ADGRL2: variants seen among roughly 807,000 people sequenced by gnomAD.
ADGRL2 encodes calcium-independent alpha-latrotoxin receptor 2.
ADGRL2 carries 44 observed loss-of-function variants against 157.4 expected under a neutral mutation model. The observed-to-expected ratio is 0.28, with a 90% confidence interval of 0.22 to 0.36. ADGRL2 has a LOEUF of 0.36. Ranked by LOEUF, ADGRL2 falls within the 10% of genes least tolerant of loss-of-function variation. ADGRL2 has a pLI of 1.00. For synonymous variants in ADGRL2, 585 were observed against 624.7 expected (o/e 0.94, Z 0.95); for missense variants, 1,510 against 1,768.9 (o/e 0.85, Z 2.63).
At chr1:81,372,351 T>G (rs2100993764) in intron 1 of ADGRL2, among the ~76,000 whole-genome samples, 1 of 152,314 alleles carries the variant, frequency 6.6e-6, no homozygotes. Flanking sequence ...TATAAAAATG[T>G]TAAGCAATGC....
chr1:81,472,153 C>G (rs1047702714), intron 2 of ADGRL2, among the ~76,000 whole-genome samples: 1 of 152,148 alleles, frequency 6.6e-6, no homozygotes, highest in Non-Finnish European at 1.5e-5. Context: ...CAAAAACAAA[C>G]AAATAAAAAT....
intron 1 of ADGRL2, chr1:81,414,144 A>G (rs1461887130): frequency 1.3e-5 from 2 of 150,528 alleles, no homozygotes; most frequent in African/African-American, 4.9e-5. Context: ...GATGCTTGGT[A>G]AACACACTTC....
In ADGRL2 at chr1:81,597,689, G is replaced by A. The variant is rs150245518; in HGVS notation, c.-143+16709G>A. Among the ~76,000 whole-genome samples, 599 of 152,148 alleles carry A rather than the reference G, an allele frequency of 3.9e-3. 5 individuals carry two copies. The highest frequency in any genetic ancestry group is 0.012 in the African/African-American group (507 of 41,512). On this transcript the variant is annotated intron_variant, in intron 3 of 24. Coordinates refer to the ADGRL2 transcript ENST00000370721. The stretch of plus-strand genomic sequence containing the variant: ...CTCAACTTACAATGGGGTTACATCC[G>A]GATAAACCCATCTTAAGCTGAAAAT...
intron 10 of ADGRL2, among the ~76,000 whole-genome samples, chr1:81,954,140 G>A (rs1005402490): frequency 3.9e-5 from 6 of 152,062 alleles, no homozygotes; most frequent in Admixed American, 1.3e-4. Context: ...TCACCTTTAA[G>A]GTATTAGTTA....
intron 2 of ADGRL2, among the ~76,000 whole-genome samples, chr1:81,899,249 G>A (rs2094446737): frequency 6.6e-6 from 1 of 152,152 alleles, no homozygotes; most frequent in African/African-American, 2.4e-5. Flanking sequence ...ACAACAAAAT[G>A]TACTGTTTGT....
chr1:81,529,104 T>G (rs2079541294), intron 2 of ADGRL2, among the ~76,000 whole-genome samples: 1 of 152,178 alleles, frequency 6.6e-6, no homozygotes, highest in Non-Finnish European at 1.5e-5. Flanking sequence ...GGTAAGTAAA[T>G]GAGCAGTGGA....
At chr1:81,857,743 G>A (rs1036291269) in intron 2 of ADGRL2, among the ~76,000 whole-genome samples, 5 of 151,782 alleles carry the variant, frequency 3.3e-5, no homozygotes, top group African/African-American at 9.7e-5. Flanking sequence ...TAAATTTCTC[G>A]GTTCTTGATA....
intron 1 of ADGRL2, among the ~76,000 whole-genome samples, chr1:81,438,838 C>T (rs186120974): frequency 6.6e-6 from 1 of 152,196 alleles, no homozygotes; most frequent in East Asian, 1.9e-4. Context: ...AGTCCAAAAT[C>T]CTTAGGGTGT....
rs569480089 is a variant in ADGRL2, at chr1:81,683,868, G to A, written c.-142-77943G>A. 3.9e-5 allele frequency among the ~76,000 whole-genome samples: 6 copies of A among 152,062 alleles called. No homozygotes were observed. The East Asian group carries it at 1.2e-3, about 29-fold the overall frequency. The stretch of plus-strand genomic sequence containing the variant: ...GTCTCGCTCTGTCACCCAGGCTGGA[G>A]TGCAGTGGCGCAATCTCGGCTCGCT... On this transcript the variant is annotated intron_variant, in intron 3 of 24. Transcript: ENST00000370721.
intron 3 of ADGRL2, among the ~76,000 whole-genome samples, chr1:81,601,994 G>A (rs1216460151): frequency 2.0e-5 from 3 of 152,190 alleles, no homozygotes; most frequent in African/African-American, 7.2e-5. Flanking sequence ...AAGAGCCTGA[G>A]AGCATCAGCC....
intron 1 of ADGRL2, among the ~76,000 whole-genome samples, chr1:81,313,252 A>G (rs1216933860): frequency 6.6e-6 from 1 of 152,208 alleles, no homozygotes; most frequent in Non-Finnish European, 1.5e-5. Context: ...CTAACCTGTT[A>G]CTAACAAAGT....
Position 81,728,970 on chromosome 1 carries a change from C to T in ADGRL2, c.-143+29162C>T, listed in dbSNP as rs148935191. ...TACTTCAAATATGGGAGCAAAGATG[C>T]CCTATTGATATGGGAGTAGTTAAAG... On this transcript the variant is annotated intron_variant, in intron 1 of 20. Coordinates refer to the ADGRL2 transcript ENST00000359929. Among the ~76,000 whole-genome samples, 5 of 152,158 alleles carry T rather than the reference C, an allele frequency of 3.3e-5. No individual in the cohort carries two copies. The East Asian group carries it at 9.6e-4, about 29-fold the overall frequency.
chr1:81,783,342 C>G (rs933627357), intron 2 of ADGRL2, among the ~76,000 whole-genome samples: 18 of 151,924 alleles, frequency 1.2e-4, no homozygotes, highest in African/African-American at 4.1e-4. Context: ...GTTGCCCATG[C>G]TGGTCTCGAA....
intron 1 of ADGRL2, among the ~76,000 whole-genome samples, chr1:81,329,004 A>G (rs2100681564): frequency 6.6e-6 from 1 of 152,140 alleles, no homozygotes; most frequent in Admixed American, 6.5e-5. Context: ...GATAGAGTTT[A>G]GCTGCTTTTA....
intron 1 of ADGRL2, among the ~76,000 whole-genome samples, chr1:81,717,194 T>G (rs1169003627): frequency 2.6e-5 from 4 of 152,198 alleles, no homozygotes; most frequent in Non-Finnish European, 5.9e-5. Context: ...AACATTTGAA[T>G]GCACTTGAGA....
intron 1 of ADGRL2, among the ~76,000 whole-genome samples, chr1:81,434,485 A>G (rs1034185736): frequency 6.6e-6 from 1 of 152,116 alleles, no homozygotes; most frequent in Non-Finnish European, 1.5e-5. Context: ...TCTAGGGCCT[A>G]GAAGAGTGTC....
chr1:81,491,665 A>T (rs1408931987), intron 2 of ADGRL2, among the ~76,000 whole-genome samples: 1 of 152,228 alleles, frequency 6.6e-6, no homozygotes, highest in Non-Finnish European at 1.5e-5. Flanking sequence ...AGGAAATCTT[A>T]TTTCCACAGG....
At chr1:81,536,760 C>A (rs901640958) in intron 2 of ADGRL2, among the ~76,000 whole-genome samples, 1 of 152,094 alleles carries the variant, frequency 6.6e-6, no homozygotes, top group Non-Finnish European at 1.5e-5. Flanking sequence ...TTGGTCTGTT[C>A]TATAAATAAT....
chr1:81,731,020 GTTTA>G (rs1411896912), intron 1 of ADGRL2, among the ~76,000 whole-genome samples: 5 of 152,178 alleles, frequency 3.3e-5, no homozygotes, highest in South Asian at 2.1e-4. Flanking sequence ...CAGTAAAATA[GTTTA>G]TTTATTACTT....
Sources: gnomAD v4.1 joint callset for allele counts (sites outside exome capture counted in the v4.1 genomes callset) on GRCh38, gnomAD v4.1.1 for gene constraint, MANE v1.5 for transcripts, NCBI Gene and HGNC (gene_info 2026-07-23, HGNC 2026-07-21) for gene names.